Variants in ACSM5 observed in about 807,000 individuals in gnomAD.
ACSM5 encodes acyl-CoA synthetase medium chain family member 5, also known as acyl-coenzyme A synthetase ACSM5, mitochondrial.
Under a neutral mutation model 71.6 loss-of-function variants are expected in ACSM5, and 56 were observed. That is an observed-to-expected ratio of 0.78 (90% CI 0.63 to 0.98). The LOEUF (loss-of-function observed/expected upper bound fraction) is 0.98, where lower values mean the gene tolerates loss of function less well. Among genes scored for constraint, ACSM5 ranks in the 50% least tolerant of loss-of-function variants. The pLI is 0.00. For synonymous variants in ACSM5, 285 were observed against 281.5 expected, an observed-to-expected ratio of 1.01 and a Z score of -0.12; for missense variants, 723 against 726.0, an observed-to-expected ratio of 1.00 and a Z score of 0.05.
At chr16:20,425,634 G>A (rs1243033587) in intron 6 of ACSM5, among the ~76,000 whole-genome samples, 2 of 151,990 alleles carry the variant, frequency 1.3e-5, no homozygotes, top group Non-Finnish European at 2.9e-5. Context: ...TTACACCTTT[G>A]CATCCTCATA....
rs1967321150 is a variant in ACSM5, at chr16:20,441,008, G to T, written c.*581G>T. 1 of 151,658 alleles carries T rather than the reference G, an allele frequency of 6.6e-6. No individual in the cohort carries two copies. The highest frequency in any genetic ancestry group is 6.6e-5 in the Admixed American group (1 of 15,222). 9.4% of individuals were successfully genotyped at this position (151,658 alleles called of 1,614,324 possible). A position where few individuals can be genotyped will look rare whatever the true frequency, so the allele number is the denominator to read the frequency against. On this transcript the variant is annotated 3_prime_UTR_variant, in exon 14 of 14. Coordinates refer to ENST00000331849, the MANE Select transcript of ACSM5 (RefSeq NM_017888.3). ...ATTAACATCCAAACAACAAGGAAATGATTAACAAAATTGTAGTAGATTAAC... is the reference window on the plus strand; with the variant it reads ...ATTAACATCCAAACAACAAGGAAATTATTAACAAAATTGTAGTAGATTAAC...
At chr16:20,433,157 G>A (rs1017505789) in intron 10 of ACSM5, among the ~76,000 whole-genome samples, 2 of 152,050 alleles carry the variant, frequency 1.3e-5, no homozygotes, top group Non-Finnish European at 2.9e-5. Context: ...CACAGTGCCC[G>A]GCCCAGCTCA....
chr16:20,437,831 T>C (rs573937981), intron 12 of ACSM5, among the ~76,000 whole-genome samples: 121 of 150,800 alleles, frequency 8.0e-4, no homozygotes, highest in African/African-American at 2.8e-3. Context: ...AGAAATCCTT[T>C]TTTTTTTTTG....
chr16:20,421,480 T>G, intron 5 of ACSM5, 79 bp downstream of exon 5: 1 of 1,342,978 alleles, frequency 7.4e-7, no homozygotes, highest in South Asian at 1.8e-5. Context: ...AGGGGAAAGG[T>G]GTCAGGAACG....
At chr16:20,417,936 A>G in intron 2 of ACSM5, 123 bp from the exon 3 acceptor site, 1 of 954,128 alleles carries the variant, frequency 1.0e-6, no homozygotes, top group Admixed American at 2.8e-5. Context: ...GTCTTTCCAT[A>G]TTGCTTTGCT....
Position 20,433,840 on chromosome 16 carries a change from A to AT in ACSM5, c.1308+2536dup, listed in dbSNP as rs61417020. Reference sequence around the variant, plus strand: ...AGGCACATGCCACCACACCTGGCTAATTTTTTTTTTTTTTTTTGTAAAGAT... The same window carrying AT: ...AGGCACATGCCACCACACCTGGCTAATTTTTTTTTTTTTTTTTTGTAAAGAT... On this transcript the variant is annotated intron_variant, in intron 10 of 13. Transcript: ENST00000331849. 2.2e-3 allele frequency among the ~76,000 whole-genome samples: 300 copies of AT among 137,192 alleles called. 1 individual carries two copies. The highest frequency in any genetic ancestry group is 3.9e-3 in the Middle Eastern group (1 of 258). The allele number at this position is 137,192 out of a possible 152,430, so 90.0% of individuals were successfully genotyped here. A position where few individuals can be genotyped will look rare whatever the true frequency, so the allele number is the denominator to read the frequency against.
chr16:20,418,908 G>A (rs1191247340), intron 3 of ACSM5, among the ~76,000 whole-genome samples: 1 of 152,196 alleles, frequency 6.6e-6, no homozygotes, highest in Admixed American at 6.5e-5. Flanking sequence ...CCTTGCAGGA[G>A]GTTAGGGGGA....
chr16:20,431,161 G>A, intron 9 of ACSM5, 59 bp from the exon 10 acceptor site: 1 of 1,590,180 alleles, frequency 6.3e-7, no homozygotes, highest in Non-Finnish European at 8.6e-7. Context: ...CTGGGCTGCT[G>A]GGAGAGGCCC....
At chr16:20,422,547 A>T (rs1966900211) in intron 5 of ACSM5, among the ~76,000 whole-genome samples, 1 of 152,208 alleles carries the variant, frequency 6.6e-6, no homozygotes, top group African/African-American at 2.4e-5. Flanking sequence ...CTTCTTTTGG[A>T]TATACATGCA....
chr16:20,425,942 G>A (rs113040196), intron 6 of ACSM5, among the ~76,000 whole-genome samples: 6,709 of 152,138 alleles, frequency 0.044, 159 homozygotes, highest in South Asian at 0.059. Flanking sequence ...CTGGATAGAT[G>A]CCCAGAAGTG....
chr16:20,427,731 T>C, intron 6 of ACSM5, 57 bp from the exon 7 acceptor site: 2 of 1,234,160 alleles, frequency 1.6e-6, no homozygotes. Context: ...TGGCTCCATC[T>C]TCATGGTCCC....
intron 13 of ACSM5, 125 bp downstream of exon 13, chr16:20,440,044 C>T: frequency 2.4e-6 from 3 of 1,267,034 alleles, no homozygotes; most frequent in Non-Finnish European, 1.1e-6. Flanking sequence ...GTAACCCTGG[C>T]TGCTGCTTCA....
intron 2 of ACSM5, chr16:20,411,914 G>A: frequency 3.6e-6 from 2 of 554,866 alleles, no homozygotes; most frequent in South Asian, 2.0e-5. Flanking sequence ...CTGCATTCTT[G>A]AGCCCAAATC....
chr16:20,438,026 T>C (rs2141663066), intron 12 of ACSM5, among the ~76,000 whole-genome samples: 1 of 152,038 alleles, frequency 6.6e-6, no homozygotes, highest in African/African-American at 2.4e-5. Flanking sequence ...GGGTTTTGCC[T>C]TGTTGGCCAG....
intron 10 of ACSM5, among the ~76,000 whole-genome samples, chr16:20,436,590 G>A (rs114660328): frequency 0.022 from 3,388 of 152,098 alleles, 128 homozygotes; most frequent in African/African-American, 0.075. Flanking sequence ...AGCTGGTCTC[G>A]AATTCCAGAC....
rs1967302545 is a variant in ACSM5, at chr16:20,440,394, G to T, written c.1707G>T (p.Arg569Ser). ...LPKTVSGKIQ[R>S]SKLRSQEWGK ...AGACGGTTTCTGGAAAGATCCAAAG[G>T]AGTAAATTGCGAAGTCAGGAGTGGG... Residue 569 changes from arginine (R) to serine (S), a missense_variant, in exon 14 of 14, where the codon AGG becomes AGT. Physicochemically the swap from Arg to Ser is moderately radical, Grantham distance 110. Transcript: ENST00000331849. 2 of 1,610,684 alleles carry T rather than the reference G, an allele frequency of 1.2e-6. No homozygotes were observed. The highest frequency in any genetic ancestry group is 1.1e-5 in the South Asian group (1 of 90,994).
At chr16:20,424,417 G>C (rs1966937326) in intron 6 of ACSM5, among the ~76,000 whole-genome samples, 1 of 152,146 alleles carries the variant, frequency 6.6e-6, no homozygotes, top group South Asian at 2.1e-4. Flanking sequence ...TACTGTCCAT[G>C]GTTCTTAACA....
At chr16:20,419,656 A>C (rs892180976) in intron 4 of ACSM5, 1 of 573,796 alleles carries the variant, frequency 1.7e-6, no homozygotes, top group African/African-American at 1.9e-5. Context: ...TCTGTGCTTC[A>C]TTTGCTTCTA....
chr16:20,421,615 CTATATATATATATATATATATATA>C lies in ACSM5; in HGVS notation c.767+233_767+256del, dbSNP rs59443556. Among the ~76,000 whole-genome samples the C allele has an allele frequency of 7.7e-4, 82 of 105,820 alleles. 1 individual carries two copies. The East Asian group carries it at 7.9e-3, about 10-fold the overall frequency. 69.4% of individuals were successfully genotyped at this position (105,820 alleles called of 152,430 possible). A position where few individuals can be genotyped will look rare whatever the true frequency, so the allele number is the denominator to read the frequency against. On this transcript the variant is annotated intron_variant, in intron 5 of 13. Transcript: ENST00000331849. ...TGGGAGGTTTCTTTTTAAATCGTGG[CTATATATATATATATATATATATA>C]TATATATATATATATATACACACAC...
Sources: allele counts gnomAD v4.1 joint callset (sites outside exome capture counted in the v4.1 genomes callset), GRCh38; gene constraint gnomAD v4.1.1; transcripts MANE v1.5; gene names NCBI Gene and HGNC (gene_info 2026-07-23, HGNC 2026-07-21).